ATP2C1: variants seen among roughly 807,000 people sequenced by gnomAD.
ATP2C1 encodes ATPase secretory pathway Ca2+ transporting 1, also known as calcium-transporting ATPase type 2C member 1.
Under a neutral mutation model 120.5 loss-of-function variants are expected in ATP2C1, and 31 were observed. The ratio of observed to expected loss-of-function variants is 0.26; its 90% CI spans 0.19 to 0.35. The LOEUF is 0.35. ATP2C1 is among the 10% of genes least tolerant of loss of function. ATP2C1 has a pLI of 1.00. For synonymous variants in ATP2C1, 351 were observed against 358.7 expected, an observed-to-expected ratio of 0.98 and a Z score of 0.24; for missense variants, 731 against 1,107.5, an observed-to-expected ratio of 0.66 and a Z score of 4.83.
intron 27 of ATP2C1, 59 bp downstream of exon 27, chr3:130,999,718 T>C: frequency 6.8e-7 from 1 of 1,464,448 alleles, no homozygotes; most frequent in Admixed American, 1.9e-5. Context: ...TTTTCTAATG[T>C]GTTTGTTTTA....
At chr3:131,013,338 T>A (rs975892715) in intron 26 of ATP2C1, among the ~76,000 whole-genome samples, 1 of 152,214 alleles carries the variant, frequency 6.6e-6, no homozygotes, top group Non-Finnish European at 1.5e-5. Context: ...TAAAAAATGC[T>A]GGGTATGACT....
At chr3:130,899,728 A>G (rs190759233) in intron 2 of ATP2C1, 1 of 152,306 alleles carries the variant, frequency 6.6e-6, no homozygotes, top group Admixed American at 6.5e-5. Flanking sequence ...TGTGTTTAGA[A>G]AAAGTTTGAA....
At chr3:130,989,868 A>G (rs1225150290) in intron 20 of ATP2C1, among the ~76,000 whole-genome samples, 3 of 152,164 alleles carry the variant, frequency 2.0e-5, no homozygotes, top group Non-Finnish European at 4.4e-5. Flanking sequence ...TAGAGTTTTC[A>G]CTTGGAAGGT....
downstream of ATP2C1, among the ~76,000 whole-genome samples, chr3:131,006,750 C>T (rs1011733305): frequency 1.3e-5 from 2 of 150,756 alleles, no homozygotes; most frequent in African/African-American, 2.4e-5. Flanking sequence ...GCAGCCTGGA[C>T]ATCCTGGGCT....
intron 2 of ATP2C1, among the ~76,000 whole-genome samples, chr3:130,911,151 T>A (rs1010309423): frequency 6.9e-6 from 1 of 144,650 alleles, no homozygotes; most frequent in African/African-American, 2.6e-5. Context: ...ATTCAGAGAT[T>A]CAACTTCTTC....
chr3:130,957,840 A>G (rs974488278), intron 11 of ATP2C1, among the ~76,000 whole-genome samples: 5 of 152,110 alleles, frequency 3.3e-5, no homozygotes, highest in Non-Finnish European at 5.9e-5. Flanking sequence ...GACTAATGCA[A>G]TTTTAAAGCA....
intron 26 of ATP2C1, chr3:131,013,923 G>T: frequency 1.7e-6 from 1 of 590,870 alleles, no homozygotes; most frequent in South Asian, 2.7e-5. Flanking sequence ...AAATAACTTG[G>T]AATTCAGATT....
intron 2 of ATP2C1, among the ~76,000 whole-genome samples, chr3:130,912,847 C>G (rs1358763790): frequency 6.6e-6 from 1 of 152,242 alleles, no homozygotes; most frequent in Middle Eastern, 3.4e-3. Flanking sequence ...AAACTTGGAA[C>G]TAACCCAAAT....
chr3:130,964,959 G>A lies in ATP2C1; in HGVS notation c.1036G>A (p.Val346Met). ...PIVETLGCCN[V>M]ICSDKTGTLT... is the part of the protein sequence containing the mutation. ...ATTTAATTCTTTAGGCTGCTGTAAT[G>A]TGATTTGTTCAGATAAAACTGGAAC... is the stretch of plus-strand genomic sequence containing the variant. The change falls in exon 14 of 28, where the codon GTG becomes ATG. Residue 346 changes from valine to methionine, a missense_variant. Physicochemically the swap from Val to Met is conservative, Grantham distance 21 (BLOSUM62 1). This residue lies in a region of ATP2C1 where 571 missense variants were observed against 845.9 expected (regional missense o/e 0.67). Coordinates refer to ENST00000510168, the MANE Select transcript of ATP2C1 (RefSeq NM_001378687.1). 6.2e-7 allele frequency: 1 copy of A among 1,610,026 alleles called. No individual in the cohort carries two copies. The highest frequency in any genetic ancestry group is 8.5e-7 in the Non-Finnish European group (1 of 1,177,050).
intron 4 of ATP2C1, among the ~76,000 whole-genome samples, chr3:130,933,617 T>C (rs1027683385): frequency 2.6e-5 from 4 of 152,206 alleles, no homozygotes; most frequent in Non-Finnish European, 4.4e-5. Context: ...TGCAGTGTTA[T>C]TTTATTAGGG....
chr3:130,905,481 G>A (rs2058080514), intron 2 of ATP2C1, among the ~76,000 whole-genome samples: 1 of 152,026 alleles, frequency 6.6e-6, no homozygotes, highest in African/African-American at 2.4e-5. Context: ...AGTAGTTTTA[G>A]AATTAGTGAC....
rs369627715 is a variant in ATP2C1 at position 130,937,484 on chromosome 3, A to G, written c.360+21A>G. On this transcript the variant is annotated intron_variant, in intron 6 of 27. Transcript: ENST00000510168. ...TTCAGGTAAGTACTCTATTTTGCCA[A>G]CATGAAAATGGTATGTTAATTGCTT... 45 of 1,606,878 alleles carry G rather than the reference A, an allele frequency of 2.8e-5. No individual in the cohort carries two copies. In the African/African-American group the frequency reaches 4.5e-4, roughly 16 times the overall value.
At chr3:130,907,262 T>C (rs2058175393) in intron 2 of ATP2C1, among the ~76,000 whole-genome samples, 2 of 152,100 alleles carry the variant, frequency 1.3e-5, no homozygotes, top group Admixed American at 1.3e-4. Context: ...CTGTTCACTT[T>C]CTGAATGGTA....
At chr3:130,950,170 T>C (rs2060310721) in intron 8 of ATP2C1, among the ~76,000 whole-genome samples, 2 of 152,176 alleles carry the variant, frequency 1.3e-5, no homozygotes, top group African/African-American at 4.8e-5. Context: ...ATCATTTTTA[T>C]TGTGTACATG....
chr3:130,928,652 T>A (rs756050165), intron 2 of ATP2C1, among the ~76,000 whole-genome samples: 1 of 152,234 alleles, frequency 6.6e-6, no homozygotes, highest in Non-Finnish European at 1.5e-5. Context: ...AGCTGTCATT[T>A]GAGCTCTTAC....
At chr3:130,868,214 T>G (rs1460694137) in intron 1 of ATP2C1, 4 of 139,614 alleles carry the variant, frequency 2.9e-5, no homozygotes, top group African/African-American at 1.1e-4. Flanking sequence ...AGGACCCCTC[T>G]GCCCGGCCAG....
At position 131,002,625 on chromosome 3, in the gene ATP2C1, A is replaced by G; in HGVS notation, c.*1275A>G. ...TGTGGGCCAGAAATTTAAAATTAGAAATTTGTTTTTCTGTTGAGTATATAA... is the reference window on the plus strand; with the variant it reads ...TGTGGGCCAGAAATTTAAAATTAGAGATTTGTTTTTCTGTTGAGTATATAA... On this transcript the variant is annotated 3_prime_UTR_variant, in exon 28 of 28. Coordinates refer to ENST00000510168, the MANE Select transcript of ATP2C1 (RefSeq NM_001378687.1). 1.0e-6 allele frequency: 1 copy of G among 985,376 alleles called. No homozygotes were observed. The highest frequency in any genetic ancestry group is 1.7e-5 in the African/African-American group (1 of 57,358). The allele number at this position is 985,376 out of a possible 1,614,324, so 61.0% of individuals were successfully genotyped here.
At chr3:130,990,245 A>G (rs1408928617) in intron 20 of ATP2C1, among the ~76,000 whole-genome samples, 1 of 149,652 alleles carries the variant, frequency 6.7e-6, no homozygotes, top group African/African-American at 2.5e-5. Context: ...ATAAATGAAT[A>G]TAATGTTAAA....
intron 2 of ATP2C1, among the ~76,000 whole-genome samples, chr3:130,916,244 CA>C (rs577230633): frequency 1.0e-3 from 86 of 83,012 alleles, no homozygotes; most frequent in Middle Eastern, 6.8e-3. Flanking sequence ...TGTCTCTACT[CA>C]AAAAAAAAAA....
Sources: gnomAD v4.1 joint callset for allele counts (sites outside exome capture counted in the v4.1 genomes callset) on GRCh38, gnomAD v4.1.1 for gene constraint, gnomAD v4.1.1 regional missense constraint, MANE v1.5 for transcripts, NCBI Gene and HGNC (gene_info 2026-07-23, HGNC 2026-07-21) for gene names.